KIF6: variants seen among roughly 807,000 people sequenced by gnomAD.
The protein encoded by KIF6 is kinesin-like protein KIF6.
In KIF6, 106 loss-of-function variants were observed where a neutral mutation model predicts 112.7. That is an observed-to-expected ratio of 0.94 (90% CI 0.80 to 1.11). KIF6 has a LOEUF of 1.11. Among genes scored for constraint, KIF6 ranks in the 50% least tolerant of loss-of-function variants. The probability of loss-of-function intolerance (pLI) is 0.00; values close to 1 mark genes in which losing one functional copy is unlikely to be tolerated. For missense variants in KIF6, 929 were observed against 964.0 expected, an observed-to-expected ratio of 0.96 and a Z score of 0.48; for synonymous variants, 339 against 339.9, an observed-to-expected ratio of 1.00 and a Z score of 0.03.
rs1299419246 is a variant in KIF6 at position 39,588,011 on chromosome 6, T to C, written c.847-1607A>G. 1.2e-4 allele frequency among the ~76,000 whole-genome samples: 18 copies of C among 152,328 alleles called. No individual in the cohort carries two copies. The East Asian group carries it at 2.7e-3, about 23-fold the overall frequency. ...ACTCACTGCCTCCCTTGGGAAACAC[T>C]TTGTTCACGTGGTAACTGGGACACT... is the stretch of plus-strand genomic sequence containing the variant. On this transcript the variant is annotated intron_variant, in intron 7 of 22. Coordinates refer to ENST00000287152, the MANE Select transcript of KIF6 (RefSeq NM_145027.6).
intron 19 of KIF6, chr6:39,353,806 C>T (rs536433295): frequency 6.1e-5 from 21 of 346,782 alleles, no homozygotes; most frequent in African/African-American, 2.1e-4. Context: ...GTGCGGTGTC[C>T]GGCATGCAGC....
chr6:39,620,367 G>A (rs904315542), intron 5 of KIF6: 6 of 152,042 alleles, frequency 3.9e-5, no homozygotes. Flanking sequence ...ATGTACTCAA[G>A]TTTTCCACAT....
chr6:39,438,325 T>C (rs1771687562), intron 13 of KIF6, among the ~76,000 whole-genome samples: 2 of 152,246 alleles, frequency 1.3e-5, no homozygotes, highest in South Asian at 2.1e-4. Context: ...TACTTATAAG[T>C]TAACTGTAAA....
chr6:39,713,369 T>G (rs935734888), intron 3 of KIF6, among the ~76,000 whole-genome samples: 1 of 152,142 alleles, frequency 6.6e-6, no homozygotes, highest in South Asian at 2.1e-4. Flanking sequence ...AAAAACAATT[T>G]CAGTGAGGCA....
intron 16 of KIF6, among the ~76,000 whole-genome samples, chr6:39,362,915 G>A (rs577547638): frequency 1.1e-4 from 17 of 152,296 alleles, no homozygotes; most frequent in Admixed American, 6.5e-4. Flanking sequence ...TTGGGAAGCC[G>A]AGGCAGGAGG....
chr6:39,712,003 T>G (rs1789584650), intron 3 of KIF6, among the ~76,000 whole-genome samples: 1 of 151,494 alleles, frequency 6.6e-6, no homozygotes, highest in Admixed American at 6.6e-5. Context: ...AATGTACAAC[T>G]TGAGAAAGAA....
intron 13 of KIF6, among the ~76,000 whole-genome samples, chr6:39,454,738 C>T (rs1029056259): frequency 1.4e-4 from 22 of 152,016 alleles, no homozygotes; most frequent in Admixed American, 1.4e-3. Context: ...GTTCCCTTTC[C>T]GAGTCAAAGA....
At chr6:39,677,307 A>C (rs142006667) in intron 3 of KIF6, among the ~76,000 whole-genome samples, 1 of 152,220 alleles carries the variant, frequency 6.6e-6, no homozygotes, top group African/African-American at 2.4e-5. Flanking sequence ...TATATAAGGC[A>C]TAAATTGACA....
intron 13 of KIF6, among the ~76,000 whole-genome samples, chr6:39,482,945 T>C (rs182310543): frequency 3.7e-4 from 57 of 152,352 alleles, no homozygotes; most frequent in Non-Finnish European, 7.5e-4. Context: ...ATGACCAACC[T>C]AGAACCAGAG....
intron 3 of KIF6, among the ~76,000 whole-genome samples, chr6:39,688,433 T>A (rs1298245842): frequency 6.6e-6 from 1 of 152,136 alleles, no homozygotes; most frequent in African/African-American, 2.4e-5. Context: ...CTGTAATGAA[T>A]GTAATTACAT....
At chr6:39,696,635 T>C (rs1200401927) in intron 3 of KIF6, among the ~76,000 whole-genome samples, 2 of 151,800 alleles carry the variant, frequency 1.3e-5, no homozygotes, top group Non-Finnish European at 2.9e-5. Context: ...TGTGTGTGTG[T>C]GTACAGTATA....
At chr6:39,648,693 G>A (rs563724489) in intron 3 of KIF6, among the ~76,000 whole-genome samples, 1 of 152,202 alleles carries the variant, frequency 6.6e-6, no homozygotes, top group African/African-American at 2.4e-5. Context: ...TTGAAAGCAG[G>A]GCTGCATCAC....
intron 6 of KIF6, 82 bp downstream of exon 6, chr6:39,613,107 A>G: frequency 8.7e-7 from 1 of 1,146,678 alleles, no homozygotes; most frequent in Admixed American, 3.0e-5. Context: ...AACTTCTATT[A>G]TATCTTTTTT....
At chr6:39,581,123 G>GTCCT (rs888473644) in intron 9 of KIF6, among the ~76,000 whole-genome samples, 1 of 145,794 alleles carries the variant, frequency 6.9e-6, no homozygotes, top group African/African-American at 2.6e-5. Flanking sequence ...GATCTGGTCT[G>GTCCT]TCCTTCCTTC....
At chr6:39,552,809 T>C (rs1332622349) in intron 10 of KIF6, among the ~76,000 whole-genome samples, 1 of 152,140 alleles carries the variant, frequency 6.6e-6, no homozygotes, top group African/African-American at 2.4e-5. Context: ...ATGGGGTTCT[T>C]TTTGGGATGT....
At chr6:39,381,691 A>G (rs985181717) in intron 16 of KIF6, among the ~76,000 whole-genome samples, 12 of 152,128 alleles carry the variant, frequency 7.9e-5, no homozygotes, top group African/African-American at 2.9e-4. Context: ...CCATCAGACA[A>G]CCTCCTAAGG....
chr6:39,546,632 C>T (rs1360785812), intron 10 of KIF6, among the ~76,000 whole-genome samples: 1 of 152,094 alleles, frequency 6.6e-6, no homozygotes, highest in Non-Finnish European at 1.5e-5. Flanking sequence ...TCAAGACCAG[C>T]CTGACCAACA....
intron 15 of KIF6, among the ~76,000 whole-genome samples, chr6:39,419,570 G>C (rs958502294): frequency 3.3e-5 from 5 of 152,056 alleles, no homozygotes; most frequent in Non-Finnish European, 4.4e-5. Flanking sequence ...ATGCTAAGCA[G>C]AAGCTTTGGG....
At chr6:39,677,984 A>C (rs1345145691) in intron 3 of KIF6, among the ~76,000 whole-genome samples, 1 of 151,486 alleles carries the variant, frequency 6.6e-6, no homozygotes, top group South Asian at 2.1e-4. Context: ...ATAGTGCCGC[A>C]ATAAACATAC....
Sources: gnomAD v4.1 joint callset for allele counts (sites outside exome capture counted in the v4.1 genomes callset) on GRCh38, gnomAD v4.1.1 for gene constraint, MANE v1.5 for transcripts, NCBI Gene and HGNC (gene_info 2026-07-23, HGNC 2026-07-21) for gene names.